Variants in MAPT observed in about 807,000 individuals in gnomAD.
MAPT encodes microtubule associated protein tau, also known as microtubule-associated protein tau.
In MAPT, 34 loss-of-function variants were observed where a neutral mutation model predicts 67.9. The ratio of observed to expected loss-of-function variants is 0.50; its 90% CI spans 0.38 to 0.67. The LOEUF (loss-of-function observed/expected upper bound fraction) is 0.67, where lower values mean the gene tolerates loss of function less well. Ranked by LOEUF, MAPT falls within the 30% of genes least tolerant of loss-of-function variation. The pLI, the probability that MAPT is intolerant of heterozygous loss-of-function variation, is 0.00. For synonymous variants in MAPT, 456 were observed against 464.5 expected, an observed-to-expected ratio of 0.98 and a Z score of 0.23; for missense variants, 881 against 1,115.2, an observed-to-expected ratio of 0.79 and a Z score of 2.99.
intron 7 of MAPT, 63 bp downstream of exon 7, chr17:45,990,138 G>T: frequency 6.7e-7 from 1 of 1,487,960 alleles, no homozygotes; most frequent in Non-Finnish European, 9.4e-7. Context: ...TGTGGGGTTT[G>T]TTTATTTGTT....
rs1353122666 is a variant in MAPT, at chr17:46,024,226, A to G, written c.*55A>G. 4.4e-5 allele frequency: 64 copies of G among 1,469,204 alleles called. No individual in the cohort carries two copies. The highest frequency in any genetic ancestry group is 6.8e-5 in the South Asian group (6 of 87,778). 91.0% of individuals were successfully genotyped at this position (1,469,204 alleles called of 1,614,324 possible). Reference sequence around the variant, plus strand: ...GAGAGGAGAGAATGAGAGAGTGTGGAAAAAAAAAGAATAATGACCCGGCCC... The same window carrying G: ...GAGAGGAGAGAATGAGAGAGTGTGGGAAAAAAAAGAATAATGACCCGGCCC... On this transcript the variant is annotated 3_prime_UTR_variant, in exon 13 of 13. Coordinates refer to ENST00000262410, the MANE Select transcript of MAPT (RefSeq NM_001377265.1).
chr17:45,943,090 G>T (rs1016131948), intron 1 of MAPT, among the ~76,000 whole-genome samples: 1 of 152,150 alleles, frequency 6.6e-6, no homozygotes, highest in Non-Finnish European at 1.5e-5. Flanking sequence ...ATCTCACTCT[G>T]TCACCCTGGC....
intron 1 of MAPT, among the ~76,000 whole-genome samples, chr17:45,936,423 G>T (rs564272091): frequency 6.6e-6 from 1 of 152,222 alleles, no homozygotes; most frequent in Non-Finnish European, 1.5e-5. Flanking sequence ...ATGCACATGC[G>T]TGGGCATGGG....
Position 45,989,911 on chromosome 17 carries a change from A to C in MAPT, c.1441A>C (p.Asn481His). 6 of 1,614,210 alleles carry C rather than the reference A, an allele frequency of 3.7e-6. No individual in the cohort carries two copies. Among genetic ancestry groups the C allele is most frequent in the Non-Finnish European group, 5.1e-6 (6 of 1,180,042 alleles). Residue 481 changes from asparagine to histidine, a missense_variant, in exon 7 of 13, where the codon AAT becomes CAT. Asn to His is a moderately conservative substitution (Grantham distance 68). This residue lies in a region of MAPT where 687 missense variants were observed against 766.1 expected (regional missense o/e 0.90). Coordinates refer to ENST00000262410, the MANE Select transcript of MAPT (RefSeq NM_001377265.1). ...ACGTTCCTCTGCTAAAACCTTGAAAAATAGGCCTTGCCTTAGCCCCAAACA... is the reference window on the plus strand; with the variant it reads ...ACGTTCCTCTGCTAAAACCTTGAAACATAGGCCTTGCCTTAGCCCCAAACA... Reference protein sequence around the residue: ...STRSSAKTLKNRPCLSPKHPT... With the variant: ...STRSSAKTLKHRPCLSPKHPT...
intron 2 of MAPT, among the ~76,000 whole-genome samples, chr17:45,967,305 G>A (rs904902757): frequency 6.6e-6 from 1 of 152,192 alleles, no homozygotes; most frequent in Admixed American, 6.5e-5. Flanking sequence ...GATTTAACAA[G>A]GAGACCAATG....
chr17:45,912,231 A>G (rs150539561), intron 1 of MAPT, among the ~76,000 whole-genome samples: 87 of 152,336 alleles, frequency 5.7e-4, no homozygotes, highest in Admixed American at 4.4e-3. Flanking sequence ...AACAACAAAT[A>G]ATTGGCATAG....
chr17:46,011,555 C>T (rs1016059369), intron 10 of MAPT, among the ~76,000 whole-genome samples: 6 of 152,200 alleles, frequency 3.9e-5, no homozygotes, highest in African/African-American at 1.4e-4. Flanking sequence ...TCATCATCCC[C>T]TGGCCGGTCT....
At chr17:45,945,940 G>T (rs142529858) in intron 1 of MAPT, among the ~76,000 whole-genome samples, 1 of 152,276 alleles carries the variant, frequency 6.6e-6, no homozygotes, top group African/African-American at 2.4e-5. Context: ...TAGGAGAGGG[G>T]TCTGCAAGGT....
intron 1 of MAPT, among the ~76,000 whole-genome samples, chr17:45,956,527 C>T (rs1018345468): frequency 1.3e-5 from 2 of 148,734 alleles, no homozygotes; most frequent in Non-Finnish European, 3.0e-5. Context: ...TGAAACTCAT[C>T]TGGAACTCTA....
intron 1 of MAPT, among the ~76,000 whole-genome samples, chr17:45,936,212 C>T (rs1026408204): frequency 6.6e-6 from 1 of 152,238 alleles, no homozygotes; most frequent in African/African-American, 2.4e-5. Flanking sequence ...CACCTCTGCT[C>T]CTGTTTCCAG....
rs554686244 is a variant in MAPT at position 45,996,745 on chromosome 17, G to A, written c.1998+81G>A. 126 of 1,560,360 alleles carry A rather than the reference G, an allele frequency of 8.1e-5. No homozygotes were observed. In the African/African-American group the frequency reaches 1.1e-3, roughly 14 times the overall value. On this transcript the variant is annotated intron_variant, in intron 9 of 12. Transcript: ENST00000262410. This position sits in a 1 kb window ranked among gnomAD's most constrained non-coding sequence, Gnocchi z 4.5. ...GCTGTGCCTGGAAGGGTAGGGCTGC[G>A]CCTGGAGGTGCGCGGTTGAGCGTGG...
chr17:45,979,080 A>G (rs1444353520), intron 4 of MAPT: 1 of 152,210 alleles, frequency 6.6e-6, no homozygotes, highest in Non-Finnish European at 1.5e-5. Flanking sequence ...TCCAGGAGCA[A>G]GGCCTTAACC....
chr17:46,002,230 C>T (rs1188295784), intron 9 of MAPT, among the ~76,000 whole-genome samples: 1 of 152,136 alleles, frequency 6.6e-6, no homozygotes, highest in African/African-American at 2.4e-5. Context: ...CTCAGTTCAG[C>T]TGGCAGTGGC....
At chr17:45,992,675 G>A (rs1342665485) in intron 8 of MAPT, among the ~76,000 whole-genome samples, 2 of 151,876 alleles carry the variant, frequency 1.3e-5, no homozygotes, top group African/African-American at 2.4e-5. Flanking sequence ...GATCACCTGA[G>A]GTCAGGAGTT....
Position 46,026,482 on chromosome 17 carries a change from A to G in MAPT, c.*2311A>G, listed in dbSNP as rs544368494. Reference sequence around the variant, plus strand: ...CATGGCAGTCCCAAAGGAGGCTTACAACTCCTGCATCACAAGAAAAAGGAA... The same window carrying G: ...CATGGCAGTCCCAAAGGAGGCTTACGACTCCTGCATCACAAGAAAAAGGAA... On this transcript the variant is annotated 3_prime_UTR_variant, in exon 13 of 13. Coordinates refer to ENST00000262410, the MANE Select transcript of MAPT (RefSeq NM_001377265.1). 1 of 152,284 alleles carries G rather than the reference A, an allele frequency of 6.6e-6. No homozygotes were observed. The highest frequency in any genetic ancestry group is 1.9e-4 in the East Asian group (1 of 5,160). The allele number at this position is 152,284 out of a possible 1,614,324, so 9.4% of individuals were successfully genotyped here.
rs1377995180 is a variant in MAPT, at chr17:45,903,911, TTATATATTTA to T, written c.-18+9234_-18+9243del. Among the ~76,000 whole-genome samples, 13 of 38,640 alleles carry T rather than the reference TTATATATTTA, an allele frequency of 3.4e-4. No individual in the cohort carries two copies. The South Asian group carries it at 4.2e-3, about 12-fold the overall frequency. The allele number at this position is 38,640 out of a possible 152,430, so 25.3% of individuals were successfully genotyped here. On this transcript the variant is annotated intron_variant, in intron 1 of 12. Coordinates refer to ENST00000262410, the MANE Select transcript of MAPT (RefSeq NM_001377265.1). ...TTTATATATTATATATATTTATATATTATATATTTATATATATTATATATTTATATATAAT... is the reference window on the plus strand; with the variant it reads ...TTTATATATTATATATATTTATATATTATATATTATATATTTATATATAAT...
intron 11 of MAPT, among the ~76,000 whole-genome samples, chr17:46,017,505 A>G (rs9709338): frequency 0.15 from 19,030 of 123,502 alleles, 1,845 homozygotes; most frequent in Middle Eastern, 0.27. Context: ...CCAGGCTGGA[A>G]TGTAATGGCA....
chr17:45,922,486 A>AACACAC lies in MAPT; in HGVS notation c.-18+27828_-18+27833dup, dbSNP rs59017604. On this transcript the variant is annotated intron_variant, in intron 1 of 12. Coordinates refer to ENST00000262410, the MANE Select transcript of MAPT (RefSeq NM_001377265.1). ...TCCCGTCCCTGCAGGCTAGCTAGAGAACACACACACACACACACACACACA... is the reference window on the plus strand; with the variant it reads ...TCCCGTCCCTGCAGGCTAGCTAGAGAACACACACACACACACACACACACACACACA... 2.4e-3 allele frequency among the ~76,000 whole-genome samples: 346 copies of AACACAC among 146,662 alleles called. 2 individuals carry two copies. The highest frequency in any genetic ancestry group is 7.8e-3 in the African/African-American group (311 of 39,854).
At chr17:45,948,017 T>C (rs1481685840) in intron 1 of MAPT, among the ~76,000 whole-genome samples, 2 of 150,948 alleles carry the variant, frequency 1.3e-5, no homozygotes, top group Non-Finnish European at 3.0e-5. Context: ...TTTTTATTTA[T>C]TTATTTTGAG....
Sources: gnomAD v4.1 joint callset for allele counts (sites outside exome capture counted in the v4.1 genomes callset) on GRCh38, gnomAD v4.1.1 for gene constraint, gnomAD v4.1.1 regional missense constraint, Gnocchi (gnomAD v3.1) non-coding constraint, MANE v1.5 for transcripts, NCBI Gene and HGNC (gene_info 2026-07-23, HGNC 2026-07-21) for gene names.